Variants in SSH3 observed in about 807,000 individuals in gnomAD.
SSH3 encodes protein phosphatase Slingshot homolog 3.
A neutral mutation model predicts 75.0 loss-of-function variants in SSH3; 67 were observed. The ratio of observed to expected loss-of-function variants is 0.89; its 90% CI spans 0.73 to 1.10. The LOEUF is 1.10. SSH3 is among the 50% of genes least tolerant of loss of function. The pLI is 0.00. For missense variants in SSH3, 824 were observed against 872.7 expected (o/e 0.94, Z 0.70); for synonymous variants, 318 against 349.2 (o/e 0.91, Z 1.00).
chr11:67,311,713 A>G lies in SSH3; in HGVS notation c.1806A>G (p.Ser602=). The G allele has an allele frequency of 6.2e-7, 1 of 1,614,046 alleles. No individual in the cohort carries two copies. Among genetic ancestry groups the G allele is most frequent in the Admixed American group, 1.7e-5 (1 of 60,024 alleles). The change falls in exon 14 of 14, where the codon TCA becomes TCG. Residue 602 remains serine, a synonymous_variant. Transcript: ENST00000308127. ...AGCCTGCCCTGAAGTCCCGCCAGTCAGTGGTTACCCTCCAGGGCAGTGCCG... is the reference window on the plus strand; with the variant it reads ...AGCCTGCCCTGAAGTCCCGCCAGTCGGTGGTTACCCTCCAGGGCAGTGCCG... ...GPQPALKSRQ[S]VVTLQGSAVV... is the part of the protein sequence containing the mutation.
rs534277202 is a variant in SSH3, at chr11:67,303,595, G to A, written c.-31G>A. ...GGGTTGAGGGAAGGGGCCGTGCCCG[G>A]TGCCAGCCCAGGTGCTCGCGGCCTG... On this transcript the variant is annotated 5_prime_UTR_variant, in exon 1 of 14. In the 5' UTR this introduces an upstream ATG that the reference lacks. Transcript: ENST00000308127. 283 of 1,517,226 alleles carry A rather than the reference G, an allele frequency of 1.9e-4. No individual in the cohort carries two copies. The highest frequency in any genetic ancestry group is 1.6e-3 in the Middle Eastern group (8 of 5,066). The allele number at this position is 1,517,226 out of a possible 1,614,324, so 94.0% of individuals were successfully genotyped here.
At chr11:67,305,087 G>A (rs1371996368) in intron 3 of SSH3, 80 bp downstream of exon 3, 4 of 1,393,278 alleles carry the variant, frequency 2.9e-6, no homozygotes, top group African/African-American at 1.4e-5. Context: ...GTATGTGTCT[G>A]CTTGGGGAGC....
At position 67,311,842 on chromosome 11, in the gene SSH3, G is replaced by A. The variant is rs1455400087; in HGVS notation, c.1935G>A (p.Val645=). Residue 645 remains valine, a synonymous_variant, in exon 14 of 14, where the codon GTG becomes GTA. Transcript: ENST00000308127. ...CTACGCCCAGGTTCCGGAAGGTGGT[G>A]AGACAGGCCAGCGTGCATGACAGTG... ...ISSTPRFRKV[V]RQASVHDSGE... The A allele has an allele frequency of 1.9e-6, 3 of 1,612,860 alleles. No individual in the cohort carries two copies. Among genetic ancestry groups the A allele is most frequent in the Non-Finnish European group, 2.5e-6 (3 of 1,179,990 alleles).
chr11:67,309,254 T>A, intron 10 of SSH3, 143 bp from the exon 11 acceptor site: 3 of 1,017,334 alleles, frequency 2.9e-6, no homozygotes, highest in Non-Finnish European at 4.3e-6. Flanking sequence ...GACAGCTGGG[T>A]CACTTCTCCT....
At position 67,306,868 on chromosome 11, in the gene SSH3, C is replaced by A. The variant is rs999832489; in HGVS notation, c.370C>A (p.Arg124=). The A allele has an allele frequency of 4.3e-6, 7 of 1,612,832 alleles. 1 individual carries two copies. The South Asian group carries it at 7.7e-5, about 18-fold the overall frequency. ...AAQLEAPRPP[R]LRYLLVVSTR... is the part of the protein sequence containing the mutation. ...CCAGCTGGAGGCACCCCGGCCTCCC[C>A]GGCTCCGCTACCTGCTGGTAGTTTC... Residue 124 remains arginine (R), a synonymous_variant, in exon 4 of 14, where the codon CGG becomes AGG. Coordinates refer to ENST00000308127, the MANE Select transcript of SSH3 (RefSeq NM_017857.4).
Position 67,310,351 on chromosome 11 carries a change from G to A in SSH3, c.1683+12G>A. 4.4e-6 allele frequency: 7 copies of A among 1,592,724 alleles called. No homozygotes were observed. Among genetic ancestry groups the A allele is most frequent in the Non-Finnish European group, 5.1e-6 (6 of 1,168,044 alleles). On this transcript the variant is annotated intron_variant, in intron 13 of 13. Coordinates refer to ENST00000308127, the MANE Select transcript of SSH3 (RefSeq NM_017857.4). ...GTGACATGCCAGAGGTGAGGCTGGGGCTGGGGGAGCTCAGCTTGCAGGGGT... is the reference window on the plus strand; with the variant it reads ...GTGACATGCCAGAGGTGAGGCTGGGACTGGGGGAGCTCAGCTTGCAGGGGT...
At chr11:67,310,375 G>T in intron 13 of SSH3, 36 bp downstream of exon 13, 11 of 1,571,570 alleles carry the variant, frequency 7.0e-6, no homozygotes, top group Non-Finnish European at 8.6e-6. Context: ...GCTTGCAGGG[G>T]TGGGGGCCAT....
In SSH3 at chr11:67,304,759, C is replaced by A; in HGVS notation, c.105-14C>A. ...GGAATGAGGAGCCATGACAGTTGCC[C>A]ACTGCCCTGCCAGGCAGAGCTTTGC... On this transcript the variant is annotated splice_polypyrimidine_tract_variant and intron_variant, in intron 2 of 13. Transcript: ENST00000308127. 6.3e-7 allele frequency: 1 copy of A among 1,586,088 alleles called. No homozygotes were observed. Among genetic ancestry groups the A allele is most frequent in the Non-Finnish European group, 8.6e-7 (1 of 1,166,760 alleles).
Sources: allele counts gnomAD v4.1 joint callset, GRCh38; gene constraint gnomAD v4.1.1; transcripts MANE v1.5; gene names NCBI Gene and HGNC (gene_info 2026-07-23, HGNC 2026-07-21).